The following SLIT3 variants were observed in gnomAD, a reference collection of about 807,000 sequenced individuals.
SLIT3 encodes slit guidance ligand 3, also known as slit homolog 3 protein.
A neutral mutation model predicts 184.0 loss-of-function variants in SLIT3; 68 were observed. The ratio of observed to expected loss-of-function variants is 0.37; its 90% CI spans 0.30 to 0.45. The LOEUF (loss-of-function observed/expected upper bound fraction) is 0.45. Ranked by LOEUF, SLIT3 falls within the 20% of genes least tolerant of loss-of-function variation. The pLI is 1.00. For synonymous variants in SLIT3, 831 were observed against 828.6 expected (o/e 1.00, Z -0.05); for missense variants, 1,707 against 2,026.0 (o/e 0.84, Z 3.02).
chr5:168,916,081 G>A (rs959821430), intron 4 of SLIT3, among the ~76,000 whole-genome samples: 5 of 152,178 alleles, frequency 3.3e-5, no homozygotes, highest in African/African-American at 1.2e-4. Flanking sequence ...TAAGAATAAA[G>A]TATAACAATG....
intron 3 of SLIT3, among the ~76,000 whole-genome samples, chr5:169,240,406 A>T (rs955073938): frequency 1.3e-5 from 2 of 151,454 alleles, no homozygotes; most frequent in Non-Finnish European, 3.0e-5. Context: ...CCATATTTTC[A>T]GGCTATGTTT....
chr5:169,128,258 A>G (rs1761156174), intron 4 of SLIT3, among the ~76,000 whole-genome samples: 1 of 146,574 alleles, frequency 6.8e-6, no homozygotes, highest in East Asian at 2.0e-4. Context: ...ATTTATATAT[A>G]TATACATATA....
chr5:169,055,081 C>T (rs1757948406), intron 4 of SLIT3, among the ~76,000 whole-genome samples: 1 of 152,114 alleles, frequency 6.6e-6, no homozygotes, highest in African/African-American at 2.4e-5. Flanking sequence ...GATTGGATCA[C>T]TGGTAAACTT....
chr5:169,190,412 A>G (rs1763515601), intron 4 of SLIT3, among the ~76,000 whole-genome samples: 1 of 152,134 alleles, frequency 6.6e-6, no homozygotes. Flanking sequence ...CATAACTACC[A>G]CTGCTCTTCT....
chr5:168,902,948 C>T (rs1760921449), intron 4 of SLIT3, among the ~76,000 whole-genome samples: 1 of 151,996 alleles, frequency 6.6e-6, no homozygotes, highest in Non-Finnish European at 1.5e-5. Flanking sequence ...AGGTGATGGG[C>T]AGATGGGATC....
Position 168,785,940 on chromosome 5 carries a change from C to T in SLIT3, c.1118G>A (p.Gly373Glu), listed in dbSNP as rs1465842059. 1 of 1,612,820 alleles carries T rather than the reference C, an allele frequency of 6.2e-7. No individual in the cohort carries two copies. The part of the protein sequence containing the change: ...YGNKITEIVK[G>E]LFDGLVSLQL... ...TAGGGACACCAGCCCATCAAACAGT[C>T]CCTTGACAATCTCGGTGATCTTGTT... The change falls in exon 12 of 36, where the codon GGA becomes GAA. Residue 373 changes from glycine to glutamate, a missense_variant. Physicochemically the swap from Gly to Glu is moderately conservative, Grantham distance 98 (BLOSUM62 -2). This residue lies in a region of SLIT3 where 1,307 missense variants were observed against 1,511.6 expected (regional missense o/e 0.86). Coordinates refer to ENST00000519560, the MANE Select transcript of SLIT3 (RefSeq NM_003062.4).
At chr5:169,241,175 A>G (rs1032845826) in intron 3 of SLIT3, among the ~76,000 whole-genome samples, 1 of 152,116 alleles carries the variant, frequency 6.6e-6, no homozygotes, top group Non-Finnish European at 1.5e-5. Context: ...TTTTTCCTAT[A>G]TCCCATCCAC....
At chr5:169,011,134 C>T (rs1756128999) in intron 4 of SLIT3, among the ~76,000 whole-genome samples, 1 of 152,138 alleles carries the variant, frequency 6.6e-6, no homozygotes, top group South Asian at 2.1e-4. Flanking sequence ...TCCAGTCCAG[C>T]TCTGCTCCTG....
At chr5:169,241,830 A>G (rs951187272) in intron 3 of SLIT3, among the ~76,000 whole-genome samples, 1 of 152,176 alleles carries the variant, frequency 6.6e-6, no homozygotes, top group Non-Finnish European at 1.5e-5. Context: ...GGCATAGGGT[A>G]CTTTCATGGG....
intron 4 of SLIT3, among the ~76,000 whole-genome samples, chr5:168,922,123 G>A (rs1761654823): frequency 6.6e-6 from 1 of 152,142 alleles, no homozygotes; most frequent in South Asian, 2.1e-4. Flanking sequence ...CAAGGAGCAA[G>A]GTTTCAAACT....
At chr5:168,806,324 G>C (rs915601882) in intron 9 of SLIT3, 122 bp downstream of exon 9, 7 of 1,036,906 alleles carry the variant, frequency 6.8e-6, no homozygotes, top group East Asian at 2.5e-5. Context: ...AGAGATTCCT[G>C]AGTGTTTTTA....
At chr5:168,733,564 T>A (rs1415828881) in intron 20 of SLIT3, among the ~76,000 whole-genome samples, 1 of 151,976 alleles carries the variant, frequency 6.6e-6, no homozygotes, top group African/African-American at 2.4e-5. Context: ...GAGGATTGGA[T>A]AAAGAAAATG....
chr5:169,175,459 T>C (rs915949811), intron 4 of SLIT3, among the ~76,000 whole-genome samples: 1 of 152,288 alleles, frequency 6.6e-6, no homozygotes, highest in South Asian at 2.1e-4. Context: ...TTATCATCTC[T>C]GAGCCCCATT....
chr5:168,711,598 C>T (rs781165904), intron 24 of SLIT3, among the ~76,000 whole-genome samples: 33 of 151,776 alleles, frequency 2.2e-4, no homozygotes, highest in Non-Finnish European at 2.8e-4. Flanking sequence ...GTAGTATATC[C>T]GTATTATAGT....
chr5:169,229,447 C>T (rs756001948), intron 3 of SLIT3, among the ~76,000 whole-genome samples: 1 of 152,170 alleles, frequency 6.6e-6, no homozygotes, highest in Non-Finnish European at 1.5e-5. Context: ...TTTCTGACAA[C>T]ACCCTCATTC....
At chr5:169,155,628 G>C (rs1452733028) in intron 4 of SLIT3, among the ~76,000 whole-genome samples, 1 of 152,174 alleles carries the variant, frequency 6.6e-6, no homozygotes, top group Non-Finnish European at 1.5e-5. Flanking sequence ...TAACCTGGGG[G>C]ACTTGGCTCT....
At chr5:169,144,769 C>G (rs765454523) in intron 4 of SLIT3, among the ~76,000 whole-genome samples, 1 of 152,206 alleles carries the variant, frequency 6.6e-6, no homozygotes, top group East Asian at 1.9e-4. Flanking sequence ...ACCCAAGACC[C>G]GCAAGACGCA....
At chr5:169,020,553 G>A (rs915964919) in intron 4 of SLIT3, among the ~76,000 whole-genome samples, 4 of 152,204 alleles carry the variant, frequency 2.6e-5, no homozygotes, top group African/African-American at 9.6e-5. Flanking sequence ...TTATCTGAGA[G>A]AGAAATAAAC....
intron 4 of SLIT3, among the ~76,000 whole-genome samples, chr5:168,890,288 C>A (rs1053512929): frequency 6.6e-6 from 1 of 152,086 alleles, no homozygotes; most frequent in African/African-American, 2.4e-5. Flanking sequence ...GGCCCAAAAT[C>A]TTTTTAAATT....
Sources: gnomAD v4.1 joint callset for allele counts (sites outside exome capture counted in the v4.1 genomes callset) on GRCh38, gnomAD v4.1.1 for gene constraint, gnomAD v4.1.1 regional missense constraint, MANE v1.5 for transcripts, NCBI Gene and HGNC (gene_info 2026-07-23, HGNC 2026-07-21) for gene names.